HTR1F: variants seen among roughly 807,000 people sequenced by gnomAD.
HTR1F encodes 5-hydroxytryptamine (serotonin) receptor 1F, G protein-coupled.
Under a neutral mutation model 24.0 loss-of-function variants are expected in HTR1F, and 17 were observed. That is an observed-to-expected ratio of 0.71 (90% confidence interval 0.48 to 1.06). The LOEUF is 1.06. Among genes scored for constraint, HTR1F ranks in the 50% least tolerant of loss-of-function variants. HTR1F has a pLI of 0.00. For synonymous variants in HTR1F, 186 were observed against 156.8 expected, an observed-to-expected ratio of 1.19 and a Z score of -1.39; for missense variants, 391 against 427.8, an observed-to-expected ratio of 0.91 and a Z score of 0.76.
intron 2 of HTR1F, among the ~76,000 whole-genome samples, chr3:87,928,794 G>A (rs1704189635): frequency 6.6e-6 from 1 of 152,144 alleles, no homozygotes; most frequent in Non-Finnish European, 1.5e-5. Flanking sequence ...GAGAAGAAAA[G>A]GAAAACACTA....
At chr3:87,851,094 T>G (rs564528679) in intron 2 of HTR1F, among the ~76,000 whole-genome samples, 1 of 151,888 alleles carries the variant, frequency 6.6e-6, no homozygotes, top group South Asian at 2.1e-4. Context: ...CCCACTGAAG[T>G]AAAAATGTTA....
chr3:87,808,849 G>A (rs1345316630), intron 1 of HTR1F, among the ~76,000 whole-genome samples: 8 of 151,702 alleles, frequency 5.3e-5, no homozygotes, highest in South Asian at 2.1e-4. Flanking sequence ...TGATTTAACC[G>A]TAATTTCTTC....
intron 2 of HTR1F, among the ~76,000 whole-genome samples, chr3:87,963,385 A>G (rs1344223385): frequency 1.3e-5 from 2 of 152,140 alleles, no homozygotes; most frequent in African/African-American, 2.4e-5. Flanking sequence ...ATATTAGTCA[A>G]GAAGAAGATG....
At chr3:87,978,453 A>G (rs1274660698) in intron 2 of HTR1F, among the ~76,000 whole-genome samples, 1 of 152,130 alleles carries the variant, frequency 6.6e-6, no homozygotes. Context: ...GAGCAACAGT[A>G]CAGCTCTCAG....
At chr3:87,933,439 G>T (rs1704334087) in intron 2 of HTR1F, among the ~76,000 whole-genome samples, 2 of 152,154 alleles carry the variant, frequency 1.3e-5, no homozygotes, top group Admixed American at 6.6e-5. Flanking sequence ...CGACATGATT[G>T]TATATCTAGA....
intron 1 of HTR1F, among the ~76,000 whole-genome samples, 149 bp from the exon 2 acceptor site, chr3:87,821,859 G>A (rs1302538333): frequency 6.6e-6 from 1 of 151,958 alleles, no homozygotes; most frequent in Non-Finnish European, 1.5e-5. Context: ...CTTCTAAACC[G>A]GATATTTTAT....
At chr3:87,845,975 G>A (rs935379485) in intron 2 of HTR1F, among the ~76,000 whole-genome samples, 1 of 151,838 alleles carries the variant, frequency 6.6e-6, no homozygotes, top group African/African-American at 2.4e-5. Flanking sequence ...CAACAGACAG[G>A]CAATTCTTTA....
At chr3:87,906,592 A>G (rs1372065444) in intron 2 of HTR1F, among the ~76,000 whole-genome samples, 1 of 151,718 alleles carries the variant, frequency 6.6e-6, no homozygotes, top group Non-Finnish European at 1.5e-5. Flanking sequence ...ATTTGGTTAC[A>G]TGAATAAGTT....
chr3:87,848,823 G>A (rs1453005925), intron 2 of HTR1F, among the ~76,000 whole-genome samples: 8 of 151,398 alleles, frequency 5.3e-5, no homozygotes, highest in East Asian at 3.9e-4. Flanking sequence ...ACAGACAAAC[G>A]GAGAGCCAAA....
chr3:87,960,785 A>G (rs1234313940), intron 2 of HTR1F, among the ~76,000 whole-genome samples: 2 of 151,978 alleles, frequency 1.3e-5, no homozygotes, highest in Admixed American at 6.6e-5. Context: ...AAATTAACTC[A>G]TCTGTAATCA....
chr3:87,907,570 T>A (rs1180332867), intron 2 of HTR1F, among the ~76,000 whole-genome samples: 1 of 152,060 alleles, frequency 6.6e-6, no homozygotes, highest in Admixed American at 6.6e-5. Context: ...TCATGAGATG[T>A]TCTAAAGGTA....
At chr3:87,968,369 C>G (rs1338973081) in intron 2 of HTR1F, among the ~76,000 whole-genome samples, 1 of 152,080 alleles carries the variant, frequency 6.6e-6, no homozygotes, top group Non-Finnish European at 1.5e-5. Context: ...CCTGACATCA[C>G]GCCCAGCTAA....
At chr3:87,906,351 G>C (rs923583135) in intron 2 of HTR1F, among the ~76,000 whole-genome samples, 1 of 151,920 alleles carries the variant, frequency 6.6e-6, no homozygotes, top group East Asian at 1.9e-4. Flanking sequence ...GACTGAACAA[G>C]TCATTATATG....
chr3:87,991,147 G>A lies in HTR1F; in HGVS notation c.398G>A (p.Arg133Lys), dbSNP rs769604315. 1.9e-6 allele frequency: 3 copies of A among 1,613,902 alleles called. No individual in the cohort carries two copies. The highest frequency in any genetic ancestry group is 1.7e-5 in the Admixed American group (1 of 59,976). Residue 133 changes from arginine to lysine, a missense_variant, in exon 3 of 3, where the codon AGG becomes AAG. Transcript: ENST00000319595. ...RAITDAVEYA[R>K]KRTPKHAGIM... ...ATCACAGATGCTGTTGAGTATGCCA[G>A]GAAAAGGACTCCAAAGCATGCTGGC...
intron 2 of HTR1F, among the ~76,000 whole-genome samples, chr3:87,930,215 T>A (rs1704228139): frequency 6.6e-6 from 1 of 152,180 alleles, no homozygotes; most frequent in South Asian, 2.1e-4. Context: ...AGATATAGAA[T>A]AGTGTCATCT....
At chr3:87,951,334 C>A (rs927555267) in intron 2 of HTR1F, among the ~76,000 whole-genome samples, 1 of 152,104 alleles carries the variant, frequency 6.6e-6, no homozygotes, top group Non-Finnish European at 1.5e-5. Flanking sequence ...TTAGATGTAT[C>A]ATTTTAGTTC....
At chr3:87,907,417 A>T (rs1703692195) in intron 2 of HTR1F, among the ~76,000 whole-genome samples, 1 of 150,088 alleles carries the variant, frequency 6.7e-6, no homozygotes, top group East Asian at 2.0e-4. Flanking sequence ...TGGATTCTGG[A>T]TATTAGTCCG....
intron 2 of HTR1F, among the ~76,000 whole-genome samples, chr3:87,906,510 G>A (rs1414054370): frequency 6.6e-6 from 1 of 151,768 alleles, no homozygotes; most frequent in Non-Finnish European, 1.5e-5. Context: ...CTAAACTGTA[G>A]TTAATGAAAA....
At chr3:87,946,607 G>T (rs1199345316) in intron 2 of HTR1F, among the ~76,000 whole-genome samples, 4 of 89,384 alleles carry the variant, frequency 4.5e-5, no homozygotes, top group Non-Finnish European at 9.7e-5. Context: ...ATATGTGTGT[G>T]TGTGTATATA....
Sources: gnomAD v4.1 joint callset for allele counts (sites outside exome capture counted in the v4.1 genomes callset) on GRCh38, gnomAD v4.1.1 for gene constraint, MANE v1.5 for transcripts, NCBI Gene and HGNC (gene_info 2026-07-23, HGNC 2026-07-21) for gene names.